Variants in PLXNA4 observed in about 807,000 individuals in gnomAD.
PLXNA4 encodes plexin-A4.
Under a neutral mutation model 191.8 loss-of-function variants are expected in PLXNA4, and 44 were observed. The observed-to-expected ratio is 0.23, with a 90% confidence interval of 0.18 to 0.29. The LOEUF is 0.29. Among genes scored for constraint, PLXNA4 ranks in the 10% least tolerant of loss-of-function variants. The pLI is 1.00. For synonymous variants in PLXNA4, 1,082 were observed against 1,009.5 expected, an observed-to-expected ratio of 1.07 and a Z score of -1.36; for missense variants, 1,800 against 2,488.8, an observed-to-expected ratio of 0.72 and a Z score of 5.89.
chr7:132,364,596 G>T (rs947051206), intron 3 of PLXNA4, among the ~76,000 whole-genome samples: 1 of 152,186 alleles, frequency 6.6e-6, no homozygotes, highest in African/African-American at 2.4e-5. Flanking sequence ...CCCACAGAGG[G>T]TCATTTAGCC....
chr7:132,180,777 C>T (rs184593738), intron 18 of PLXNA4, 45 bp from the exon 19 acceptor site: 1 of 1,586,242 alleles, frequency 6.3e-7, no homozygotes, highest in East Asian at 2.3e-5. Flanking sequence ...GAGTGAGGAC[C>T]ACAGCTACCA....
intron 2 of PLXNA4, among the ~76,000 whole-genome samples, chr7:132,493,730 G>A (rs1024639340): frequency 1.5e-5 from 2 of 136,128 alleles, no homozygotes; most frequent in Admixed American, 7.5e-5. Context: ...TGGGTGGATG[G>A]GTGGATGGGT....
At position 132,207,192 on chromosome 7, in the gene PLXNA4, G is replaced by A. The variant is rs111417984; in HGVS notation, c.2298+3751C>T. Reference sequence around the variant, plus strand: ...GTCCATCTCTAGTCCAGAGGGCTCTGCTGACCCCTTTTCAGCCATGTCCCA... The same window carrying A: ...GTCCATCTCTAGTCCAGAGGGCTCTACTGACCCCTTTTCAGCCATGTCCCA... On this transcript the variant is annotated intron_variant, in intron 10 of 31. Transcript: ENST00000321063. 1.3e-3 allele frequency among the ~76,000 whole-genome samples: 202 copies of A among 152,324 alleles called. 1 individual carries two copies. The highest frequency in any genetic ancestry group is 4.7e-3 in the African/African-American group (196 of 41,580).
At chr7:132,201,967 T>G (rs1254551929) in intron 12 of PLXNA4, among the ~76,000 whole-genome samples, 1 of 152,114 alleles carries the variant, frequency 6.6e-6, no homozygotes, top group East Asian at 1.9e-4. Flanking sequence ...AGAGGGACGC[T>G]CAGGCCCACC....
At chr7:132,210,838 T>G in intron 10 of PLXNA4, 105 bp downstream of exon 10, 1 of 1,287,998 alleles carries the variant, frequency 7.8e-7, no homozygotes, top group South Asian at 1.3e-5. Flanking sequence ...TTGTGCGTGT[T>G]GAGGAAACGA....
At position 132,629,952 on chromosome 7, in the gene PLXNA4, C is replaced by T. The variant is rs1357729350; in HGVS notation, c.-87+15976G>A. Reference sequence around the variant, plus strand: ...GCAAGCTCCACCTCCCGAGTTCATGCCATTCTCCTGCCTCAGCCTCCCGAG... The same window carrying T: ...GCAAGCTCCACCTCCCGAGTTCATGTCATTCTCCTGCCTCAGCCTCCCGAG... On this transcript the variant is annotated intron_variant, in intron 2 of 4. Coordinates refer to the PLXNA4 transcript ENST00000378539. Among the ~76,000 whole-genome samples, 7 of 152,084 alleles carry T rather than the reference C, an allele frequency of 4.6e-5. 1 individual carries two copies. The South Asian group carries it at 1.2e-3, about 27-fold the overall frequency.
intron 3 of PLXNA4, among the ~76,000 whole-genome samples, chr7:132,307,334 T>C (rs2116559207): frequency 6.6e-6 from 1 of 152,302 alleles, no homozygotes; most frequent in South Asian, 2.1e-4. Context: ...ACATACTGTG[T>C]CCTGCGTTCA....
rs185453380 is a variant in PLXNA4, at chr7:132,275,915, G to A, written c.1503+22176C>T. 4.6e-3 allele frequency among the ~76,000 whole-genome samples: 703 copies of A among 152,214 alleles called. 3 individuals carry two copies. Among genetic ancestry groups the A allele is most frequent in the Non-Finnish European group, 8.1e-3 (550 of 68,016 alleles). ...TTGCTTCCGAGTCTTTTCCATTGCT[G>A]TTCCCTCTGTCTAGAGTGTTCTCCT... On this transcript the variant is annotated intron_variant, in intron 4 of 31. Transcript: ENST00000321063.
intron 13 of PLXNA4, among the ~76,000 whole-genome samples, chr7:132,194,479 AG>A (rs1733593131): frequency 6.6e-6 from 1 of 152,182 alleles, no homozygotes; most frequent in African/African-American, 2.4e-5. Flanking sequence ...ACTAGACTGG[AG>A]GGCATGTTCT....
intron 2 of PLXNA4, among the ~76,000 whole-genome samples, chr7:132,605,507 C>A (rs1317058520): frequency 2.0e-5 from 3 of 152,022 alleles, no homozygotes; most frequent in African/African-American, 4.8e-5. Context: ...CATGATGGTG[C>A]TTGGGGGGCC....
intron 3 of PLXNA4, among the ~76,000 whole-genome samples, chr7:132,312,884 G>A (rs182321980): frequency 7.5e-4 from 114 of 152,268 alleles, no homozygotes; most frequent in Non-Finnish European, 1.3e-3. Context: ...TTATTTACAT[G>A]AGGGGTCCAT....
At chr7:132,324,017 C>G (rs76813675) in intron 3 of PLXNA4, among the ~76,000 whole-genome samples, 4,400 of 152,246 alleles carry the variant, frequency 0.029, 76 homozygotes, top group Middle Eastern at 0.051. Flanking sequence ...CAGGGATCAT[C>G]AGAGACAGGC....
At chr7:132,513,708 T>C (rs2116308183) in intron 1 of PLXNA4, among the ~76,000 whole-genome samples, 1 of 149,530 alleles carries the variant, frequency 6.7e-6, no homozygotes, top group South Asian at 2.1e-4. Flanking sequence ...AGTCACCATC[T>C]GTCACCCAGG....
intron 3 of PLXNA4, among the ~76,000 whole-genome samples, chr7:132,327,079 A>T (rs994268882): frequency 2.0e-5 from 3 of 148,160 alleles, no homozygotes; most frequent in Non-Finnish European, 4.5e-5. Context: ...AGAAGAAAGG[A>T]GGGAGGGTAG....
At chr7:132,601,287 A>C (rs1802815109) in intron 2 of PLXNA4, among the ~76,000 whole-genome samples, 2 of 151,688 alleles carry the variant, frequency 1.3e-5, no homozygotes, top group Non-Finnish European at 2.9e-5. Flanking sequence ...GTCAAAAGAA[A>C]AAAAAAAACA....
At chr7:132,318,891 T>G (rs1489024291) in intron 3 of PLXNA4, among the ~76,000 whole-genome samples, 1 of 152,104 alleles carries the variant, frequency 6.6e-6, no homozygotes, top group Non-Finnish European at 1.5e-5. Context: ...GTGTGGACTC[T>G]CTGTTGAATT....
At chr7:132,393,102 T>C (rs1429481820) in intron 3 of PLXNA4, among the ~76,000 whole-genome samples, 1 of 151,538 alleles carries the variant, frequency 6.6e-6, no homozygotes, top group African/African-American at 2.4e-5. Flanking sequence ...TCTCATGCTG[T>C]TCCTCATCCT....
intron 3 of PLXNA4, chr7:132,485,084 A>G (rs1233750824): frequency 6.3e-7 from 1 of 1,588,742 alleles, no homozygotes; most frequent in East Asian, 2.3e-5. Flanking sequence ...AAATTAATCT[A>G]CATGACAATT....
intron 3 of PLXNA4, among the ~76,000 whole-genome samples, chr7:132,439,874 A>T (rs1034950058): frequency 3.3e-5 from 5 of 152,224 alleles, no homozygotes; most frequent in African/African-American, 1.2e-4. Context: ...GACCTCAAAA[A>T]TTCCCAGTGG....
Sources: allele counts gnomAD v4.1 joint callset (sites outside exome capture counted in the v4.1 genomes callset), GRCh38; gene constraint gnomAD v4.1.1; transcripts MANE v1.5; gene names NCBI Gene and HGNC (gene_info 2026-07-23, HGNC 2026-07-21).